The following ADCK1 variants were observed in gnomAD, a reference collection of about 807,000 sequenced individuals.
The protein encoded by ADCK1 is aarF domain containing kinase 1, also known as aarF domain-containing protein kinase 1.
A neutral mutation model predicts 52.3 loss-of-function variants in ADCK1; 41 were observed. The ratio of observed to expected loss-of-function variants is 0.78; its 90% CI spans 0.61 to 1.02. The LOEUF is 1.02. Ranked by LOEUF, ADCK1 falls within the 50% of genes least tolerant of loss-of-function variation. ADCK1 has a pLI of 0.00. For missense variants in ADCK1, 658 were observed against 679.5 expected, an observed-to-expected ratio of 0.97 and a Z score of 0.35; for synonymous variants, 250 against 274.6, an observed-to-expected ratio of 0.91 and a Z score of 0.89.
chr14:77,903,290 G>C (rs910472328), intron 6 of ADCK1, among the ~76,000 whole-genome samples: 10 of 152,234 alleles, frequency 6.6e-5, no homozygotes, highest in African/African-American at 2.4e-4. Context: ...TGTGAACCCA[G>C]TTCAGCTCTT....
At chr14:77,913,273 T>C (rs1298161976) in intron 7 of ADCK1, among the ~76,000 whole-genome samples, 2 of 152,156 alleles carry the variant, frequency 1.3e-5, no homozygotes, top group Admixed American at 1.3e-4. Flanking sequence ...TACTGAAACA[T>C]GAAGCCAGGG....
At chr14:77,883,647 C>T (rs550664380) in intron 4 of ADCK1, among the ~76,000 whole-genome samples, 5 of 152,116 alleles carry the variant, frequency 3.3e-5, no homozygotes, top group South Asian at 2.1e-4. Context: ...AGGGTGTGGG[C>T]GTGTGACTTG....
In ADCK1 at chr14:77,924,622, G is replaced by T. The variant is rs1201404834; in HGVS notation, c.1008+16G>T. The T allele has an allele frequency of 6.2e-7, 1 of 1,611,362 alleles. No individual in the cohort carries two copies. Among genetic ancestry groups the T allele is most frequent in the Non-Finnish European group, 8.5e-7 (1 of 1,179,966 alleles). On this transcript the variant is annotated intron_variant, in intron 8 of 10. Transcript: ENST00000238561. ...GCTTTACCAGGTAGAAGAGGCCTTT[G>T]TTACCCAGCCCTGGGGCCTCTGGGG...
chr14:77,816,593 C>A (rs1171848358), intron 1 of ADCK1, among the ~76,000 whole-genome samples: 1 of 152,150 alleles, frequency 6.6e-6, no homozygotes, highest in Non-Finnish European at 1.5e-5. Context: ...AAGCTTCACG[C>A]CCTTTCGCTG....
chr14:77,887,645 G>A (rs991326205), intron 5 of ADCK1, among the ~76,000 whole-genome samples: 2 of 152,154 alleles, frequency 1.3e-5, no homozygotes, highest in African/African-American at 4.8e-5. Flanking sequence ...GGGAGCATGT[G>A]GTCAACAGGG....
intron 4 of ADCK1, among the ~76,000 whole-genome samples, chr14:77,866,646 G>A (rs7143911): frequency 0.03 from 4,494 of 152,276 alleles, 105 homozygotes; most frequent in Middle Eastern, 0.044. Context: ...GAGAGGAGGT[G>A]GAAGTCTGGC....
intron 3 of ADCK1, among the ~76,000 whole-genome samples, chr14:77,855,090 T>G (rs2082390510): frequency 6.6e-6 from 1 of 152,270 alleles, no homozygotes; most frequent in Non-Finnish European, 1.5e-5. Flanking sequence ...CACATTTTCC[T>G]GCTTTCCCCC....
intron 3 of ADCK1, among the ~76,000 whole-genome samples, chr14:77,842,225 G>A (rs534282450): frequency 2.0e-5 from 3 of 152,088 alleles, no homozygotes; most frequent in South Asian, 2.1e-4. Context: ...ATTTCAGTGT[G>A]CATCTCTAAA....
intron 3 of ADCK1, among the ~76,000 whole-genome samples, chr14:77,831,749 C>T (rs1017828742): frequency 2.0e-5 from 3 of 151,970 alleles, no homozygotes; most frequent in African/African-American, 7.3e-5. Context: ...GCCACAATGC[C>T]CAGCCTCCTG....
intron 6 of ADCK1, chr14:77,902,563 A>G (rs57241351): frequency 0.18 from 26,995 of 151,996 alleles, 2,725 homozygotes; most frequent in African/African-American, 0.26. Context: ...TTTTATTCCC[A>G]AGCTTGTTGC....
intron 3 of ADCK1, among the ~76,000 whole-genome samples, chr14:77,856,052 A>G (rs1872660553): frequency 6.6e-6 from 1 of 152,078 alleles, no homozygotes; most frequent in Non-Finnish European, 1.5e-5. Flanking sequence ...TCTACTAAAA[A>G]TACAAAAATT....
rs145115253 is a variant in ADCK1, at chr14:77,900,748, G to A, written c.741+1490G>A. The A allele has an allele frequency of 6.5e-4, 247 of 378,412 alleles. 3 individuals are homozygous for A. The highest frequency in any genetic ancestry group is 6.0e-3 in the Middle Eastern group (16 of 2,688). The allele number at this position is 378,412 out of a possible 1,614,324, so 23.4% of individuals were successfully genotyped here. On this transcript the variant is annotated intron_variant, in intron 6 of 10. Transcript: ENST00000238561. ...GCTTTCTGCATTCACAGTGTTTCTC[G>A]CAGATGATAGTACACATAAGCACAT...
intron 7 of ADCK1, among the ~76,000 whole-genome samples, chr14:77,921,996 G>C (rs959054312): frequency 6.6e-6 from 1 of 152,188 alleles, no homozygotes; most frequent in African/African-American, 2.4e-5. Context: ...GCTCAGTCTG[G>C]CTGCACTGCT....
chr14:77,902,310 G>A (rs1467885486), intron 6 of ADCK1: 3 of 152,192 alleles, frequency 2.0e-5, no homozygotes, highest in South Asian at 2.1e-4. Flanking sequence ...GGTTGGGTAC[G>A]TCTCCATACT....
chr14:77,819,978 C>T (rs150231894), intron 2 of ADCK1, among the ~76,000 whole-genome samples: 4 of 152,278 alleles, frequency 2.6e-5, no homozygotes, highest in East Asian at 3.9e-4. Flanking sequence ...TGAGCTGAGT[C>T]GTAGAACCAA....
chr14:77,910,998 G>A (rs2140265341), intron 7 of ADCK1, among the ~76,000 whole-genome samples: 1 of 152,310 alleles, frequency 6.6e-6, no homozygotes. Flanking sequence ...GAGAGTGTTG[G>A]TTGTTTTCTT....
At chr14:77,820,353 C>T (rs1414248819) in intron 2 of ADCK1, among the ~76,000 whole-genome samples, 3 of 151,554 alleles carry the variant, frequency 2.0e-5, no homozygotes, top group African/African-American at 4.9e-5. Flanking sequence ...TTTTTTGAGA[C>T]AGGGTCTTGC....
chr14:77,840,040 G>A (rs973501959), intron 3 of ADCK1, among the ~76,000 whole-genome samples: 6 of 151,836 alleles, frequency 4.0e-5, no homozygotes, highest in African/African-American at 1.2e-4. Flanking sequence ...ATCTTCTGGC[G>A]CACCTTCCTT....
chr14:77,919,706 G>T (rs1453072577), intron 7 of ADCK1, among the ~76,000 whole-genome samples: 1 of 152,154 alleles, frequency 6.6e-6, no homozygotes, highest in Non-Finnish European at 1.5e-5. Context: ...CACCAGCAGT[G>T]TAAAAGTGTT....
Sources: gnomAD v4.1 joint callset for allele counts (sites outside exome capture counted in the v4.1 genomes callset) on GRCh38, gnomAD v4.1.1 for gene constraint, MANE v1.5 for transcripts, NCBI Gene and HGNC (gene_info 2026-07-23, HGNC 2026-07-21) for gene names.